Variants in PCDH7 observed in about 807,000 individuals in gnomAD.
PCDH7 encodes protocadherin 7.
A neutral mutation model predicts 58.9 loss-of-function variants in PCDH7; 17 were observed. The ratio of observed to expected loss-of-function variants is 0.29; its 90% CI spans 0.20 to 0.43. The LOEUF is 0.43. Ranked by LOEUF, PCDH7 falls within the 20% of genes least tolerant of loss-of-function variation. The pLI, the probability that PCDH7 is intolerant of heterozygous loss-of-function variation, is 1.00. For missense variants in PCDH7, 1,274 were observed against 1,441.0 expected (o/e 0.88, Z 1.88); for synonymous variants, 664 against 616.4 (o/e 1.08, Z -1.14).
chr4:31,059,771 A>T lies in PCDH7; in HGVS notation c.*8-82702A>T, dbSNP rs139120481. Among the ~76,000 whole-genome samples, 45 of 151,986 alleles carry T rather than the reference A, an allele frequency of 3.0e-4. 2 individuals carry two copies. Among genetic ancestry groups the T allele is most frequent in the African/African-American group, 9.6e-4 (40 of 41,564 alleles). ...ATCAAGAGAATATTTTTCAACAATT[A>T]TATGTAATCTTATCTCCATTGATTT... On this transcript the variant is annotated intron_variant, in intron 3 of 3. Transcript: ENST00000509759.
At chr4:30,808,239 TA>T (rs1726510380) in intron 1 of PCDH7, among the ~76,000 whole-genome samples, 1 of 152,236 alleles carries the variant, frequency 6.6e-6, no homozygotes, top group Non-Finnish European at 1.5e-5. Flanking sequence ...AAAGAGCTGC[TA>T]TAAATTGACT....
intron 3 of PCDH7, among the ~76,000 whole-genome samples, chr4:30,958,842 G>A (rs533702846): frequency 1.1e-4 from 17 of 152,032 alleles, no homozygotes; most frequent in African/African-American, 4.1e-4. Context: ...ATAAATTTAA[G>A]ATTAAGTTTT....
chr4:31,102,560 T>A (rs1263501325), intron 3 of PCDH7, among the ~76,000 whole-genome samples: 1 of 151,080 alleles, frequency 6.6e-6, no homozygotes, highest in East Asian at 2.0e-4. Flanking sequence ...CTGTCTCTAC[T>A]AAAAATACAA....
intron 3 of PCDH7, among the ~76,000 whole-genome samples, chr4:31,049,337 A>C (rs1756561031): frequency 6.6e-6 from 1 of 152,020 alleles, no homozygotes; most frequent in Admixed American, 6.6e-5. Context: ...GGTAAGTATA[A>C]CCCATTTCTT....
chr4:31,071,985 A>G (rs1342392916), intron 3 of PCDH7, among the ~76,000 whole-genome samples: 2 of 152,100 alleles, frequency 1.3e-5, no homozygotes, highest in African/African-American at 4.8e-5. Flanking sequence ...GCTATGAGTC[A>G]TGTTTACTGT....
intron 3 of PCDH7, among the ~76,000 whole-genome samples, chr4:31,063,218 T>C (rs1757826403): frequency 6.6e-6 from 1 of 151,890 alleles, no homozygotes; most frequent in Non-Finnish European, 1.5e-5. Context: ...ATTACTGTAA[T>C]GGCAGAGAAA....
chr4:30,806,305 A>G (rs980860927), intron 1 of PCDH7, among the ~76,000 whole-genome samples: 2 of 151,942 alleles, frequency 1.3e-5, no homozygotes, highest in Non-Finnish European at 2.9e-5. Flanking sequence ...AAACATGCCT[A>G]AAGATTTCCT....
chr4:30,747,979 C>T (rs1358718341), intron 1 of PCDH7, among the ~76,000 whole-genome samples: 4 of 152,132 alleles, frequency 2.6e-5, no homozygotes, highest in African/African-American at 9.7e-5. Flanking sequence ...GCTTTTCCCT[C>T]AGAATAATTT....
chr4:30,893,005 G>C (rs1334035181), intron 1 of PCDH7, among the ~76,000 whole-genome samples: 1 of 151,968 alleles, frequency 6.6e-6, no homozygotes, highest in Non-Finnish European at 1.5e-5. Flanking sequence ...TACAACAGCT[G>C]CCTCTGCATC....
intron 3 of PCDH7, among the ~76,000 whole-genome samples, chr4:31,029,196 C>T (rs1205681742): frequency 1.3e-5 from 2 of 152,212 alleles, no homozygotes; most frequent in African/African-American, 2.4e-5. Context: ...AGCTATAGAA[C>T]ATTAATGCAT....
rs75523206 is a variant in PCDH7, at chr4:30,826,246, A to T, written c.71-93907A>T. On this transcript the variant is annotated intron_variant, in intron 1 of 3. Transcript: ENST00000509759. ...TAAATATTCATTACAAATTTCGTGA[A>T]AGGGAAGCAGAACTGATAGAAAGTC... Among the ~76,000 whole-genome samples, 505 of 152,312 alleles carry T rather than the reference A, an allele frequency of 3.3e-3. 1 individual carries two copies. Among genetic ancestry groups the T allele is most frequent in the African/African-American group, 0.012 (482 of 41,578 alleles).
At chr4:30,852,945 GT>G (rs1245519075) in intron 1 of PCDH7, among the ~76,000 whole-genome samples, 2 of 151,948 alleles carry the variant, frequency 1.3e-5, no homozygotes, top group African/African-American at 4.8e-5. Context: ...TGGTAAATGG[GT>G]TTCATTCTAC....
intron 3 of PCDH7, among the ~76,000 whole-genome samples, chr4:31,115,772 A>T (rs1465117321): frequency 6.6e-6 from 1 of 152,204 alleles, no homozygotes; most frequent in Non-Finnish European, 1.5e-5. Flanking sequence ...AACAGAAGTA[A>T]TTGGATCTCA....
At chr4:31,128,762 G>C (rs966935933) in intron 3 of PCDH7, among the ~76,000 whole-genome samples, 2 of 152,078 alleles carry the variant, frequency 1.3e-5, no homozygotes, top group African/African-American at 4.8e-5. Context: ...CCCTAGGCTG[G>C]GTTTGAAGAC....
chr4:31,040,013 T>C (rs568165347), intron 3 of PCDH7, among the ~76,000 whole-genome samples: 2 of 152,290 alleles, frequency 1.3e-5, no homozygotes, highest in South Asian at 4.1e-4. Context: ...GATGATATAG[T>C]GCTGCCTTCT....
At chr4:31,027,102 C>T (rs1004394656) in intron 3 of PCDH7, among the ~76,000 whole-genome samples, 2 of 152,130 alleles carry the variant, frequency 1.3e-5, no homozygotes, top group African/African-American at 4.8e-5. Flanking sequence ...GAAACCCAGC[C>T]CCAGCTTTGC....
chr4:30,963,748 A>G (rs1051526831), intron 3 of PCDH7, among the ~76,000 whole-genome samples: 2 of 152,206 alleles, frequency 1.3e-5, no homozygotes, highest in Non-Finnish European at 2.9e-5. Context: ...CAGCACAACC[A>G]AGTGAACTAC....
chr4:31,080,299 T>C (rs1005932265), intron 3 of PCDH7, among the ~76,000 whole-genome samples: 7 of 152,068 alleles, frequency 4.6e-5, no homozygotes, highest in Admixed American at 3.3e-4. Flanking sequence ...TTAACTAGCA[T>C]ATCTATTCCT....
chr4:30,822,219 T>A (rs868390379), intron 1 of PCDH7, among the ~76,000 whole-genome samples: 1 of 152,162 alleles, frequency 6.6e-6, no homozygotes. Context: ...GCACCTACTT[T>A]CACATTTATT....
Sources: gnomAD v4.1 joint callset for allele counts (sites outside exome capture counted in the v4.1 genomes callset) on GRCh38, gnomAD v4.1.1 for gene constraint, MANE v1.5 for transcripts, NCBI Gene and HGNC (gene_info 2026-07-23, HGNC 2026-07-21) for gene names.